The following PCDHA3 variants were observed in gnomAD, a reference collection of about 807,000 sequenced individuals.
PCDHA3 encodes protocadherin alpha 3.
Under a neutral mutation model 62.2 loss-of-function variants are expected in PCDHA3, and 41 were observed. The ratio of observed to expected loss-of-function variants is 0.66; its 90% CI spans 0.51 to 0.86. The LOEUF (loss-of-function observed/expected upper bound fraction) is 0.86. PCDHA3 is among the 40% of genes least tolerant of loss of function. PCDHA3 has a pLI of 0.00. For synonymous variants in PCDHA3, 640 were observed against 555.4 expected (o/e 1.15, Z -2.14); for missense variants, 1,304 against 1,241.2 (o/e 1.05, Z -0.76).
rs1554121874 is a variant in PCDHA3 at position 140,802,119 on chromosome 5, A to G, written c.922A>G (p.Ile308Val). ...VNGQISVKGNIDFEESKSYEI... is the reference protein window; with the variant it reads ...VNGQISVKGNVDFEESKSYEI... ...TGGACAAATCAGTGTAAAGGGTAACATAGATTTCGAGGAAAGTAAGTCATA... is the reference window on the plus strand; with the variant it reads ...TGGACAAATCAGTGTAAAGGGTAACGTAGATTTCGAGGAAAGTAAGTCATA... The change falls in exon 1 of 4, where the codon ATA (isoleucine) becomes GTA (valine). Residue 308 changes from isoleucine to valine, a missense_variant. Transcript: ENST00000522353. 14 of 1,614,242 alleles carry G rather than the reference A, an allele frequency of 8.7e-6. No homozygotes were observed. Among genetic ancestry groups the G allele is most frequent in the Non-Finnish European group, 1.1e-5 (13 of 1,180,044 alleles).
chr5:140,841,787 G>A, intron 1 of PCDHA3: 1 of 1,613,878 alleles, frequency 6.2e-7, no homozygotes, highest in Non-Finnish European at 8.5e-7. Context: ...TCCGCTAGAG[G>A]GCGCGTCCGA....
chr5:140,859,671 C>T (rs2045960419), intron 1 of PCDHA3: 1 of 153,888 alleles, frequency 6.5e-6, no homozygotes, highest in Non-Finnish European at 1.4e-5. Context: ...CAAATAGCTT[C>T]AAATAAAATT....
intron 1 of PCDHA3, chr5:140,883,089 A>G (rs1403331305): frequency 1.1e-5 from 17 of 1,614,038 alleles, no homozygotes; most frequent in Non-Finnish European, 1.4e-5. Context: ...GATGGTACAA[A>G]TGGAGATATA....
intron 3 of PCDHA3, among the ~76,000 whole-genome samples, chr5:141,007,031 T>C (rs1554261019): frequency 6.6e-6 from 1 of 152,144 alleles, no homozygotes; most frequent in African/African-American, 2.4e-5. Flanking sequence ...ATGGTATTTA[T>C]ATCTATGGAT....
chr5:140,851,638 T>C, intron 1 of PCDHA3: 1 of 915,858 alleles, frequency 1.1e-6, no homozygotes, highest in Non-Finnish European at 1.3e-6. Flanking sequence ...AAGTGTTTCC[T>C]TTCTTCAAGA....
chr5:140,877,215 A>T, intron 1 of PCDHA3: 1 of 1,613,722 alleles, frequency 6.2e-7, no homozygotes, highest in Non-Finnish European at 8.5e-7. Context: ...GCGAGTTGGT[A>T]CCGCGGTCGG....
chr5:140,812,651 G>A (rs1235837945), intron 1 of PCDHA3: 1 of 152,044 alleles, frequency 6.6e-6, no homozygotes, highest in Non-Finnish European at 1.5e-5. Context: ...TAAGAGACAA[G>A]ATCTCACTAT....
In PCDHA3 at chr5:140,850,252, G is replaced by GCGC. The variant is rs2150475866; in HGVS notation, c.2394+46664_2394+46666dup. ...AGCGAGATGGTGCTGCGGTCGGTGG[G>GCGC]CGCCGGCGTAGTGGTGGGGAAGGTG... is the stretch of plus-strand genomic sequence containing the variant. On this transcript the variant is annotated intron_variant, in intron 1 of 3. Coordinates refer to ENST00000522353, the MANE Select transcript of PCDHA3 (RefSeq NM_018906.3). 12 of 1,593,714 alleles carry GCGC rather than the reference G, an allele frequency of 7.5e-6. No homozygotes were observed. The East Asian group carries it at 2.7e-4, about 36-fold the overall frequency.
intron 1 of PCDHA3, chr5:140,835,174 C>T (rs1773498411): frequency 1.3e-6 from 2 of 1,503,684 alleles, no homozygotes; most frequent in Non-Finnish European, 1.8e-6. Context: ...GTGATTCACC[C>T]CAATGCCTCA....
intron 1 of PCDHA3, chr5:140,829,034 T>G: frequency 6.2e-7 from 1 of 1,613,244 alleles, no homozygotes; most frequent in Non-Finnish European, 8.5e-7. Flanking sequence ...ACAAGAAAAC[T>G]TATACAAAAT....
intron 1 of PCDHA3, chr5:140,808,479 G>T (rs782290463): frequency 2.5e-6 from 4 of 1,614,186 alleles, no homozygotes; most frequent in East Asian, 2.2e-5. Context: ...CGAGACGGGG[G>T]CTCGCCTTCG....
At chr5:140,847,123 C>T (rs1554141658) in intron 1 of PCDHA3, among the ~76,000 whole-genome samples, 1 of 149,564 alleles carries the variant, frequency 6.7e-6, no homozygotes, top group African/African-American at 2.4e-5. Context: ...AGAATGAAAG[C>T]AGGAAAACCA....
chr5:140,858,010 C>A, intron 1 of PCDHA3: 2 of 1,596,490 alleles, frequency 1.3e-6, no homozygotes, highest in Middle Eastern at 3.3e-4. Flanking sequence ...AGGACCATGG[C>A]GAGCCGTCGC....
chr5:140,918,387 C>A (rs1554198606), intron 1 of PCDHA3, among the ~76,000 whole-genome samples: 1 of 152,142 alleles, frequency 6.6e-6, no homozygotes, highest in Non-Finnish European at 1.5e-5. Context: ...TTATTTCTTT[C>A]TCTTGCCTGA....
chr5:140,836,349 G>A (rs2150258385), intron 1 of PCDHA3: 52 of 1,613,592 alleles, frequency 3.2e-5, no homozygotes, highest in Non-Finnish European at 4.4e-5. Flanking sequence ...GGACCACGGG[G>A]AGCCCTCGCT....
At chr5:140,905,446 A>G (rs1421760693) in intron 1 of PCDHA3, among the ~76,000 whole-genome samples, 2 of 152,180 alleles carry the variant, frequency 1.3e-5, no homozygotes, top group East Asian at 3.9e-4. Flanking sequence ...GCCTTTTAGT[A>G]TAATTTAAAG....
intron 3 of PCDHA3, among the ~76,000 whole-genome samples, chr5:140,993,524 A>ACGGG (rs2097569997): frequency 2.0e-5 from 3 of 147,314 alleles, no homozygotes; most frequent in Admixed American, 2.0e-4. Flanking sequence ...AGAGAGAGAC[A>ACGGG]GAGAGAGAGA....
chr5:140,928,050 G>A (rs782229340), intron 1 of PCDHA3: 3 of 1,614,180 alleles, frequency 1.9e-6, no homozygotes, highest in Non-Finnish European at 2.5e-6. Flanking sequence ...GCCCTTTTCA[G>A]CTGACGGCTT....
intron 1 of PCDHA3, chr5:140,848,514 G>A (rs1356493144): frequency 6.3e-7 from 1 of 1,590,674 alleles, no homozygotes; most frequent in Non-Finnish European, 8.6e-7. Context: ...CTCAAGTCGA[G>A]GAGATCCAGA....
Sources: gnomAD v4.1 joint callset for allele counts (sites outside exome capture counted in the v4.1 genomes callset) on GRCh38, gnomAD v4.1.1 for gene constraint, MANE v1.5 for transcripts, NCBI Gene and HGNC (gene_info 2026-07-23, HGNC 2026-07-21) for gene names.